ZNF804B: variants seen among roughly 807,000 people sequenced by gnomAD.
The protein encoded by ZNF804B is zinc finger 804B.
In ZNF804B, 80 loss-of-function variants were observed where a neutral mutation model predicts 101.4. That is an observed-to-expected ratio of 0.79 (90% confidence interval 0.66 to 0.95). ZNF804B has a LOEUF of 0.95. Among genes scored for constraint, ZNF804B ranks in the 40% least tolerant of loss-of-function variants. ZNF804B has a pLI of 0.00. For synonymous variants in ZNF804B, 622 were observed against 558.8 expected (o/e 1.11, Z -1.59); for missense variants, 1,673 against 1,561.9 (o/e 1.07, Z -1.20).
intron 1 of ZNF804B, among the ~76,000 whole-genome samples, chr7:89,111,398 G>A (rs987092955): frequency 1.3e-5 from 2 of 152,032 alleles, no homozygotes; most frequent in Non-Finnish European, 2.9e-5. Context: ...AGCATTTCGT[G>A]TCAGTGTTCT....
At chr7:88,854,414 C>CCTTTCTTTCTTTCTTTCTTTCTTTCTTT (rs71120039) in intron 1 of ZNF804B, among the ~76,000 whole-genome samples, 11 of 57,114 alleles carry the variant, frequency 1.9e-4, no homozygotes, top group East Asian at 7.6e-4. Context: ...TTTCTTTCTT[C>CCTTTCTTTCTTTCTTTCTTTCTTTCTTT]CTTTCTTTCT....
chr7:88,958,325 A>T (rs1481245160), intron 1 of ZNF804B, among the ~76,000 whole-genome samples: 1 of 151,522 alleles, frequency 6.6e-6, no homozygotes, highest in Non-Finnish European at 1.5e-5. Flanking sequence ...ATTCATAAAA[A>T]TGGAGGCTCC....
chr7:88,978,984 T>C (rs974713260), intron 1 of ZNF804B, among the ~76,000 whole-genome samples: 11 of 151,918 alleles, frequency 7.2e-5, no homozygotes, highest in African/African-American at 2.7e-4. Context: ...AAGTAACATC[T>C]TATATTCCAT....
intron 2 of ZNF804B, among the ~76,000 whole-genome samples, chr7:89,230,704 T>C (rs1437051907): frequency 1.3e-5 from 2 of 152,062 alleles, no homozygotes; most frequent in Non-Finnish European, 2.9e-5. Flanking sequence ...CAAATGGTGC[T>C]GAAACACCTG....
chr7:89,006,206 T>C (rs981252676), intron 1 of ZNF804B, among the ~76,000 whole-genome samples: 1 of 152,120 alleles, frequency 6.6e-6, no homozygotes, highest in African/African-American at 2.4e-5. Flanking sequence ...TACAAAATCC[T>C]TTTTAATCTC....
At chr7:89,268,344 G>A (rs1789830584) in intron 2 of ZNF804B, among the ~76,000 whole-genome samples, 1 of 151,778 alleles carries the variant, frequency 6.6e-6, no homozygotes, top group Non-Finnish European at 1.5e-5. Context: ...AAACATCTAG[G>A]GAAGTCAGTC....
chr7:88,874,401 T>C (rs939915942), intron 1 of ZNF804B, among the ~76,000 whole-genome samples: 2 of 151,598 alleles, frequency 1.3e-5, no homozygotes, highest in African/African-American at 4.8e-5. Flanking sequence ...AGATATACAA[T>C]CATGTCGTCT....
At chr7:89,245,536 A>T (rs1476929743) in intron 2 of ZNF804B, among the ~76,000 whole-genome samples, 1 of 152,196 alleles carries the variant, frequency 6.6e-6, no homozygotes, top group East Asian at 1.9e-4. Flanking sequence ...TTAAGTAGGA[A>T]ATTTTACATA....
chr7:88,918,212 G>C (rs189061357), intron 1 of ZNF804B, among the ~76,000 whole-genome samples: 49 of 152,138 alleles, frequency 3.2e-4, no homozygotes, highest in Admixed American at 5.9e-4. Context: ...TAGTATTCAT[G>C]GTTCAATAAA....
chr7:88,977,299 T>G (rs1227644516), intron 1 of ZNF804B, among the ~76,000 whole-genome samples: 1 of 148,292 alleles, frequency 6.7e-6, no homozygotes, highest in Non-Finnish European at 1.5e-5. Context: ...TTTTTTTTTT[T>G]GAATAGTTTG....
At chr7:88,901,626 TAGAGAGAGAAAGAGAG>T (rs1562827170) in intron 1 of ZNF804B, among the ~76,000 whole-genome samples, 3 of 151,242 alleles carry the variant, frequency 2.0e-5, no homozygotes, top group East Asian at 1.9e-4. Flanking sequence ...GTGGTTATAT[TAGAGAGAGAAAGAGAG>T]AGAGAGAGAA....
chr7:89,084,924 C>A (rs1789766567), intron 1 of ZNF804B, among the ~76,000 whole-genome samples: 2 of 151,780 alleles, frequency 1.3e-5, no homozygotes, highest in South Asian at 4.2e-4. Flanking sequence ...TGAAAAACTG[C>A]AGCATGACAA....
chr7:89,168,025 A>G (rs1165643552), intron 1 of ZNF804B, among the ~76,000 whole-genome samples: 1 of 152,102 alleles, frequency 6.6e-6, no homozygotes, highest in Non-Finnish European at 1.5e-5. Context: ...TACCAATAAT[A>G]TATATTTAAG....
At chr7:89,256,505 G>A (rs532335194) in intron 2 of ZNF804B, among the ~76,000 whole-genome samples, 1 of 149,690 alleles carries the variant, frequency 6.7e-6, no homozygotes, top group African/African-American at 2.5e-5. Flanking sequence ...TGTTTGGGCC[G>A]CTGTATGCCA....
At chr7:88,949,383 C>A (rs975417822) in intron 1 of ZNF804B, among the ~76,000 whole-genome samples, 4 of 151,790 alleles carry the variant, frequency 2.6e-5, no homozygotes, top group Admixed American at 6.6e-5. Context: ...CAGACAATGC[C>A]AAAAATCCCC....
chr7:88,882,675 T>C (rs1792062451), intron 1 of ZNF804B, among the ~76,000 whole-genome samples: 1 of 152,112 alleles, frequency 6.6e-6, no homozygotes, highest in Non-Finnish European at 1.5e-5. Context: ...ATATGCGCCA[T>C]GGAAAAGAAT....
In ZNF804B at chr7:88,824,118, A is replaced by G. The variant is rs544083050; in HGVS notation, c.108+64034A>G. On this transcript the variant is annotated intron_variant, in intron 1 of 3. Coordinates refer to ENST00000333190, the MANE Select transcript of ZNF804B (RefSeq NM_181646.5). ...TGGTTTAGCCTTCTCTACAATCCCA[A>G]TTTTTCTGAGAGCATTAGAAAAGAC... 2.8e-4 allele frequency among the ~76,000 whole-genome samples: 42 copies of G among 152,134 alleles called. 1 individual carries two copies. In the South Asian group the frequency reaches 8.7e-3, roughly 32 times the overall value.
At chr7:89,080,513 G>T (rs1789681028) in intron 1 of ZNF804B, among the ~76,000 whole-genome samples, 2 of 151,854 alleles carry the variant, frequency 1.3e-5, no homozygotes, top group South Asian at 4.1e-4. Flanking sequence ...TTATGCTCAA[G>T]AAACATTTCT....
At chr7:88,933,114 A>G (rs1466129423) in intron 1 of ZNF804B, among the ~76,000 whole-genome samples, 1 of 151,974 alleles carries the variant, frequency 6.6e-6, no homozygotes, top group African/African-American at 2.4e-5. Context: ...AGTGGGTTTT[A>G]TACCAGGGAT....
Sources: allele counts gnomAD v4.1 joint callset (sites outside exome capture counted in the v4.1 genomes callset), GRCh38; gene constraint gnomAD v4.1.1; transcripts MANE v1.5; gene names NCBI Gene and HGNC (gene_info 2026-07-23, HGNC 2026-07-21).